NDFIP1: variants seen among roughly 807,000 people sequenced by gnomAD.
NDFIP1 encodes the protein Nedd4 family interacting protein 1.
NDFIP1 carries 7 observed loss-of-function variants against 28.8 expected under a neutral mutation model. That is an observed-to-expected ratio of 0.24 (90% CI 0.14 to 0.46). The LOEUF (loss-of-function observed/expected upper bound fraction) is 0.46. Ranked by LOEUF, NDFIP1 falls within the 20% of genes least tolerant of loss-of-function variation. The pLI is 0.99. For missense variants in NDFIP1, 194 were observed against 269.1 expected (o/e 0.72, Z 1.95); for synonymous variants, 92 against 101.0 (o/e 0.91, Z 0.53).
At position 142,129,680 on chromosome 5, in the gene NDFIP1, A is replaced by G. The variant is rs183722660; in HGVS notation, c.64-2128A>G. On this transcript the variant is annotated intron_variant, in intron 1 of 7. Transcript: ENST00000253814. ...AATGGCTCACGCCTGTAATTCCAGC[A>G]CTTTGGGAGGCTAAGGCAGGCATAT... is the stretch of plus-strand genomic sequence containing the variant. Among the ~76,000 whole-genome samples the G allele has an allele frequency of 6.2e-4, 94 of 152,204 alleles. No individual in the cohort carries two copies. In the East Asian group the frequency reaches 0.017, roughly 28 times the overall value.
intron 1 of NDFIP1, among the ~76,000 whole-genome samples, chr5:142,118,401 C>T (rs1757090845): frequency 6.6e-6 from 1 of 152,122 alleles, no homozygotes; most frequent in Non-Finnish European, 1.5e-5. Flanking sequence ...GAATGTCCCT[C>T]AATTGGGGTT....
chr5:142,126,647 A>C (rs542771238), intron 1 of NDFIP1, among the ~76,000 whole-genome samples: 1 of 152,252 alleles, frequency 6.6e-6, no homozygotes, highest in East Asian at 1.9e-4. Flanking sequence ...AAATATAGAT[A>C]ATCCAAGAAT....
Position 142,139,644 on chromosome 5 carries a change from C to T in NDFIP1, c.496-919C>T, listed in dbSNP as rs116343781. Among the ~76,000 whole-genome samples the T allele has an allele frequency of 9.9e-3, 1,502 of 152,244 alleles. 24 individuals are homozygous for T. The highest frequency in any genetic ancestry group is 0.035 in the African/African-American group (1,436 of 41,538). On this transcript the variant is annotated intron_variant, in intron 5 of 7. Transcript: ENST00000253814. ...CCACTGGTCAGAATGGCATCCTGTG[C>T]CCATTCCTAAACCAGCAAGGGAAGG...
chr5:142,115,662 A>G (rs1757059852), intron 1 of NDFIP1, among the ~76,000 whole-genome samples: 1 of 152,150 alleles, frequency 6.6e-6, no homozygotes, highest in Non-Finnish European at 1.5e-5. Flanking sequence ...AATTGGCATG[A>G]TGGTTTATCT....
chr5:142,129,591 T>C (rs1161074461), intron 1 of NDFIP1, among the ~76,000 whole-genome samples: 4 of 152,184 alleles, frequency 2.6e-5, no homozygotes, highest in African/African-American at 9.7e-5. Context: ...CATCTGGTTT[T>C]GAACAGCATA....
rs1341548179 is a variant in NDFIP1 at position 142,153,321 on chromosome 5, C to T, written c.*1593C>T. 2 of 456,434 alleles carry T rather than the reference C, an allele frequency of 4.4e-6. No homozygotes were observed. The highest frequency in any genetic ancestry group is 2.0e-5 in the African/African-American group (1 of 50,024). 28.3% of individuals were successfully genotyped at this position (456,434 alleles called of 1,614,324 possible). On this transcript the variant is annotated 3_prime_UTR_variant, in exon 8 of 8. Transcript: ENST00000253814. The stretch of plus-strand genomic sequence containing the variant: ...AAAATACACCAAGATGGTCAAATTA[C>T]TACACAAATCAGCACCAGCACAGTC...
chr5:142,139,546 T>A (rs1033785028), intron 5 of NDFIP1, among the ~76,000 whole-genome samples: 5 of 152,196 alleles, frequency 3.3e-5, no homozygotes, highest in African/African-American at 9.6e-5. Context: ...TAAAAAAAAA[T>A]TTTCTACCAC....
In NDFIP1 at chr5:142,134,351, T is replaced by C. The variant is rs572614380; in HGVS notation, c.283-1379T>C. 3.0e-4 allele frequency among the ~76,000 whole-genome samples: 46 copies of C among 152,342 alleles called. 1 individual carries two copies. The South Asian group carries it at 9.3e-3, about 31-fold the overall frequency. ...TTTGGAGTATATCTTTGAATAGTTA[T>C]GCAAAAAACAATTAGCTTTTAATTT... On this transcript the variant is annotated intron_variant, in intron 3 of 7. Transcript: ENST00000253814.
intron 5 of NDFIP1, among the ~76,000 whole-genome samples, chr5:142,138,562 G>A (rs1265251039): frequency 1.3e-5 from 2 of 151,962 alleles, no homozygotes; most frequent in Non-Finnish European, 2.9e-5. Context: ...CTAACTAATG[G>A]GTGTTGCTTG....
At chr5:142,116,926 G>A (rs944651890) in intron 1 of NDFIP1, among the ~76,000 whole-genome samples, 7 of 152,058 alleles carry the variant, frequency 4.6e-5, no homozygotes, top group African/African-American at 1.7e-4. Flanking sequence ...GCCCAGGCTG[G>A]TCTCGAACTC....
At chr5:142,136,457 T>C (rs559605259) in intron 4 of NDFIP1, among the ~76,000 whole-genome samples, 90 of 152,044 alleles carry the variant, frequency 5.9e-4, no homozygotes, top group Admixed American at 1.5e-3. Flanking sequence ...ACACACACAG[T>C]AAAAAGCAGA....
intron 7 of NDFIP1, among the ~76,000 whole-genome samples, chr5:142,146,492 C>G (rs181826): frequency 2.0e-5 from 3 of 152,022 alleles, no homozygotes; most frequent in African/African-American, 7.2e-5. Context: ...TCAAGGATTC[C>G]AAAGCTAGTA....
chr5:142,137,945 A>G (rs1237430953), intron 5 of NDFIP1, 87 bp downstream of exon 5: 3 of 1,481,938 alleles, frequency 2.0e-6, no homozygotes, highest in Non-Finnish European at 9.1e-7. Context: ...TTGCTTTTTT[A>G]AAAGTTATTT....
intron 1 of NDFIP1, among the ~76,000 whole-genome samples, chr5:142,126,991 A>G (rs78787601): frequency 3.2e-3 from 53 of 16,620 alleles, no homozygotes; most frequent in African/African-American, 0.022. Flanking sequence ...ATAAGGAGGG[A>G]AAAAAAAACG....
chr5:142,154,436 AATG>A (rs1227044570), exon 8 of NDFIP1: 6 of 152,460 alleles, frequency 3.9e-5, no homozygotes, highest in Middle Eastern at 3.4e-3. Context: ...CTTGTTAAAA[AATG>A]ATAAGAATGA....
At chr5:142,134,424 A>C (rs1757254636) in intron 3 of NDFIP1, among the ~76,000 whole-genome samples, 1 of 152,230 alleles carries the variant, frequency 6.6e-6, no homozygotes. Flanking sequence ...CTAGGTATTT[A>C]ATGTTTTAAA....
chr5:142,133,852 T>A lies in NDFIP1; in HGVS notation c.282+1510T>A, dbSNP rs535822195. Among the ~76,000 whole-genome samples the A allele has an allele frequency of 3.2e-4, 49 of 152,328 alleles. No homozygotes were observed. The South Asian group carries it at 9.9e-3, about 31-fold the overall frequency. ...ACTAGGGTAAAGGGCCCACAAATAC[T>A]GATAACTAAGACACATAAGAGCAGT... On this transcript the variant is annotated intron_variant, in intron 3 of 7. Coordinates refer to ENST00000253814, the MANE Select transcript of NDFIP1 (RefSeq NM_030571.4).
chr5:142,129,281 A>G (rs890728838), intron 1 of NDFIP1, among the ~76,000 whole-genome samples: 4 of 152,202 alleles, frequency 2.6e-5, no homozygotes, highest in African/African-American at 9.6e-5. Flanking sequence ...AAGAGCTTCA[A>G]ATAATGTTAA....
At chr5:142,151,437 G>A (rs1757445605) in intron 7 of NDFIP1, among the ~76,000 whole-genome samples, 1 of 152,204 alleles carries the variant, frequency 6.6e-6, no homozygotes, top group Non-Finnish European at 1.5e-5. Flanking sequence ...ATGCGCAGTA[G>A]CACTGCTTCC....
Sources: allele counts gnomAD v4.1 joint callset (sites outside exome capture counted in the v4.1 genomes callset), GRCh38; gene constraint gnomAD v4.1.1; transcripts MANE v1.5; gene names NCBI Gene and HGNC (gene_info 2026-07-23, HGNC 2026-07-21).